The following RIN3 variants were observed in gnomAD, a reference collection of about 807,000 sequenced individuals.
RIN3 encodes RAB5 interacting protein 3.
In RIN3, 54 loss-of-function variants were observed where a neutral mutation model predicts 76.3. The ratio of observed to expected loss-of-function variants is 0.71; its 90% CI spans 0.57 to 0.89. The LOEUF is 0.89. Among genes scored for constraint, RIN3 ranks in the 40% least tolerant of loss-of-function variants. The pLI is 0.00. For synonymous variants in RIN3, 576 were observed against 564.0 expected, an observed-to-expected ratio of 1.02 and a Z score of -0.30; for missense variants, 1,256 against 1,322.1, an observed-to-expected ratio of 0.95 and a Z score of 0.78.
intron 3 of RIN3, among the ~76,000 whole-genome samples, chr14:92,584,001 C>A (rs911392977): frequency 2.6e-5 from 4 of 152,204 alleles, no homozygotes; most frequent in Non-Finnish European, 4.4e-5. Context: ...CCAATGCTTA[C>A]CCCCTGCTGT....
rs780465452 is a variant in RIN3 at position 92,555,886 on chromosome 14, C to T, written c.180C>T (p.Cys60=). 1.9e-6 allele frequency: 3 copies of T among 1,614,004 alleles called. No individual in the cohort carries two copies. The South Asian group carries it at 3.3e-5, about 18-fold the overall frequency. ...ISILEKLIKT[C]PVWLQLSLGQ... ...TCCTGGAGAAGCTCATCAAAACATG[C>T]CCGGTGTGGCTGCAGCTGAGTCTGG... is the stretch of plus-strand genomic sequence containing the variant. The change falls in exon 2 of 10, where the codon TGC becomes TGT. Residue 60 remains cysteine, a synonymous_variant. Coordinates refer to ENST00000216487, the MANE Select transcript of RIN3 (RefSeq NM_024832.5).
At chr14:92,549,427 C>T (rs1014094238) in intron 1 of RIN3, among the ~76,000 whole-genome samples, 3 of 152,202 alleles carry the variant, frequency 2.0e-5, no homozygotes, top group African/African-American at 7.2e-5. Context: ...TCTGCGCCTT[C>T]CCCCTACCCC....
chr14:92,525,732 A>G (rs1206691796), intron 1 of RIN3, among the ~76,000 whole-genome samples: 9 of 152,182 alleles, frequency 5.9e-5, no homozygotes, highest in Non-Finnish European at 2.9e-5. Context: ...ATAGACTCTC[A>G]GGCAGCGTCA....
At chr14:92,584,682 A>C (rs185077639) in intron 3 of RIN3, among the ~76,000 whole-genome samples, 49 of 152,278 alleles carry the variant, frequency 3.2e-4, no homozygotes, top group Non-Finnish European at 5.1e-4. Flanking sequence ...CCGAGACTCA[A>C]GATGGAAGGG....
chr14:92,530,575 C>T (rs142567596), intron 1 of RIN3, among the ~76,000 whole-genome samples: 30 of 151,450 alleles, frequency 2.0e-4, no homozygotes, highest in Admixed American at 4.0e-4. Context: ...AGTTTACAGG[C>T]GAGGAAACTG....
chr14:92,524,729 GC>G (rs1896683111), intron 1 of RIN3, among the ~76,000 whole-genome samples: 1 of 152,152 alleles, frequency 6.6e-6, no homozygotes, highest in Admixed American at 6.5e-5. Flanking sequence ...TCTTCATCCA[GC>G]CCCTGCTTGC....
chr14:92,634,336 TC>T (rs11337111), intron 4 of RIN3, among the ~76,000 whole-genome samples: 50,998 of 151,686 alleles, frequency 0.34, 9,491 homozygotes, highest in African/African-American at 0.5. Context: ...CACCTCAGCC[TC>T]CCAAAGTGCT....
At chr14:92,678,974 A>G (rs974493781) in intron 8 of RIN3, among the ~76,000 whole-genome samples, 1 of 152,160 alleles carries the variant, frequency 6.6e-6, no homozygotes. Context: ...GCCCTCTCCT[A>G]TGGACTTGCG....
At chr14:92,661,595 G>A (rs1238529542) in intron 7 of RIN3, among the ~76,000 whole-genome samples, 1 of 152,096 alleles carries the variant, frequency 6.6e-6, no homozygotes, top group Non-Finnish European at 1.5e-5. Context: ...GTGTTGGCGG[G>A]CGCCTGTGAT....
At chr14:92,644,309 TG>T (rs1246801891) in intron 5 of RIN3, 2 of 152,190 alleles carry the variant, frequency 1.3e-5, no homozygotes, top group African/African-American at 4.8e-5. Context: ...GACCCCGCTA[TG>T]GGGTTTAGTC....
In RIN3 at chr14:92,577,424, T is replaced by C; in HGVS notation, c.314T>C (p.Leu105Pro). The C allele has an allele frequency of 1.2e-6, 2 of 1,613,934 alleles. No individual in the cohort carries two copies. The highest frequency in any genetic ancestry group is 1.7e-6 in the Non-Finnish European group (2 of 1,179,850). Residue 105 changes from leucine to proline, a missense_variant, in exon 3 of 10, where the codon CTG becomes CCG. Leu to Pro is a moderately conservative substitution (Grantham distance 98). This residue lies in a region of RIN3 where 610 missense variants were observed against 626.4 expected (regional missense o/e 0.97). Transcript: ENST00000216487. ...GTGCTCTGTGTCCACTTTCCTTCTC[T>C]GAACGAAAGCTCGGCCGAGGTGCTC... ...QLVLCVHFPS[L>P]NESSAEVLEY...
At position 92,596,580 on chromosome 14, in the gene RIN3, C is replaced by T. The variant is rs534503344; in HGVS notation, c.368-18827C>T. 2.0e-5 allele frequency among the ~76,000 whole-genome samples: 3 copies of T among 152,292 alleles called. No homozygotes were observed. In the East Asian group the frequency reaches 5.8e-4, roughly 29 times the overall value. The stretch of plus-strand genomic sequence containing the variant: ...GGAAGTAGAGGAGTTAATAATCAAT[C>T]CTTTATACTCTTTGTGTGGTTGTAT... On this transcript the variant is annotated intron_variant, in intron 3 of 9. Transcript: ENST00000216487.
At chr14:92,601,149 C>T (rs1885330300) in intron 3 of RIN3, among the ~76,000 whole-genome samples, 1 of 152,124 alleles carries the variant, frequency 6.6e-6, no homozygotes, top group African/African-American at 2.4e-5. Context: ...CTTAAAATGA[C>T]AATATTTTGG....
intron 5 of RIN3, among the ~76,000 whole-genome samples, chr14:92,650,137 G>A (rs1035462486): frequency 6.6e-6 from 1 of 152,168 alleles, no homozygotes; most frequent in African/African-American, 2.4e-5. Context: ...CTGAGTTCTG[G>A]GCTGCAAGCC....
rs550103707 is a variant in RIN3 at position 92,544,032 on chromosome 14, A to G, written c.45-11719A>G. On this transcript the variant is annotated intron_variant, in intron 1 of 9. Coordinates refer to ENST00000216487, the MANE Select transcript of RIN3 (RefSeq NM_024832.5). ...TGAAGCCTCCCCACCCCCCCATCTCATTTAGTAGTTACCATTTGCTAAAAG... is the reference window on the plus strand; with the variant it reads ...TGAAGCCTCCCCACCCCCCCATCTCGTTTAGTAGTTACCATTTGCTAAAAG... Among the ~76,000 whole-genome samples, 61 of 151,554 alleles carry G rather than the reference A, an allele frequency of 4.0e-4. No individual in the cohort carries two copies. The East Asian group carries it at 0.012, about 29-fold the overall frequency.
At chr14:92,578,090 G>C (rs575095566) in intron 3 of RIN3, among the ~76,000 whole-genome samples, 1 of 152,032 alleles carries the variant, frequency 6.6e-6, no homozygotes, top group East Asian at 1.9e-4. Context: ...AAATAAATAA[G>C]CCAGGTGTGG....
intron 3 of RIN3, among the ~76,000 whole-genome samples, chr14:92,604,720 T>C (rs1260582073): frequency 6.6e-6 from 1 of 152,028 alleles, no homozygotes; most frequent in African/African-American, 2.4e-5. Flanking sequence ...GTAAAATCAA[T>C]CAACATCTCT....
intron 1 of RIN3, among the ~76,000 whole-genome samples, chr14:92,527,288 A>G (rs977107590): frequency 6.6e-6 from 1 of 151,832 alleles, no homozygotes; most frequent in Non-Finnish European, 1.5e-5. Flanking sequence ...TCCTGACCTC[A>G]TGATCCACCC....
chr14:92,582,971 C>T (rs972330568), intron 3 of RIN3, among the ~76,000 whole-genome samples: 4 of 152,166 alleles, frequency 2.6e-5, no homozygotes, highest in Non-Finnish European at 2.9e-5. Flanking sequence ...TTTTGAATCC[C>T]GCTGTTTTCT....
Sources: gnomAD v4.1 joint callset for allele counts (sites outside exome capture counted in the v4.1 genomes callset) on GRCh38, gnomAD v4.1.1 for gene constraint, gnomAD v4.1.1 regional missense constraint, MANE v1.5 for transcripts, NCBI Gene and HGNC (gene_info 2026-07-23, HGNC 2026-07-21) for gene names.